CDK14: variants seen among roughly 807,000 people sequenced by gnomAD.
CDK14 encodes cyclin-dependent kinase 14.
Under a neutral mutation model 60.7 loss-of-function variants are expected in CDK14, and 34 were observed. That is an observed-to-expected ratio of 0.56 (90% CI 0.43 to 0.75). CDK14 has a LOEUF of 0.75. CDK14 is among the 30% of genes least tolerant of loss of function. The probability of loss-of-function intolerance (pLI) is 0.00; values close to 1 mark genes in which losing one functional copy is unlikely to be tolerated. For missense variants in CDK14, 482 were observed against 564.1 expected (o/e 0.85, Z 1.47); for synonymous variants, 197 against 203.7 (o/e 0.97, Z 0.28).
At chr7:90,912,525 C>T (rs1792941251) in intron 7 of CDK14, among the ~76,000 whole-genome samples, 1 of 152,098 alleles carries the variant, frequency 6.6e-6, no homozygotes, top group Admixed American at 6.6e-5. Context: ...CTTTAGTTTT[C>T]TCATTTGTTT....
At chr7:90,750,526 T>C (rs1803795507) in intron 4 of CDK14, among the ~76,000 whole-genome samples, 1 of 152,176 alleles carries the variant, frequency 6.6e-6, no homozygotes. Context: ...TATAACATCT[T>C]AAAAGGAAAT....
intron 14 of CDK14, among the ~76,000 whole-genome samples, chr7:91,127,745 A>G (rs1473278500): frequency 6.6e-6 from 1 of 152,136 alleles, no homozygotes; most frequent in Non-Finnish European, 1.5e-5. Context: ...ATATTCTACT[A>G]TAAAGTTAAT....
intron 11 of CDK14, among the ~76,000 whole-genome samples, chr7:91,052,291 C>G (rs1797415101): frequency 6.6e-6 from 1 of 152,200 alleles, no homozygotes; most frequent in African/African-American, 2.4e-5. Flanking sequence ...AAGTAGATTC[C>G]AGGTCTCCCT....
At chr7:90,807,784 C>T (rs1418838426) in intron 5 of CDK14, among the ~76,000 whole-genome samples, 3 of 152,116 alleles carry the variant, frequency 2.0e-5, no homozygotes, top group Admixed American at 2.0e-4. Context: ...CCTGATGGAG[C>T]TGAAAACCAA....
At chr7:90,928,070 A>G (rs999925617) in intron 8 of CDK14, among the ~76,000 whole-genome samples, 3 of 152,100 alleles carry the variant, frequency 2.0e-5, no homozygotes, top group Admixed American at 2.0e-4. Context: ...CCATCAGCTC[A>G]TTTAAGGACT....
chr7:91,172,565 G>A (rs1801557333), intron 14 of CDK14, among the ~76,000 whole-genome samples: 1 of 152,084 alleles, frequency 6.6e-6, no homozygotes, highest in African/African-American at 2.4e-5. Flanking sequence ...GTTCCAGTGG[G>A]TCCCATAGGC....
chr7:90,637,156 T>A (rs988959464), intron 2 of CDK14, among the ~76,000 whole-genome samples: 13 of 152,062 alleles, frequency 8.5e-5, no homozygotes, highest in Non-Finnish European at 1.6e-4. Flanking sequence ...CTGATTTTAG[T>A]TATTTCTTGC....
At chr7:90,599,924 T>C (rs1201120503) in intron 1 of CDK14, among the ~76,000 whole-genome samples, 3 of 152,224 alleles carry the variant, frequency 2.0e-5, no homozygotes, top group Admixed American at 6.5e-5. Context: ...ATAATAATTC[T>C]AAATACATAA....
chr7:90,935,424 T>C (rs1188224698), intron 8 of CDK14, among the ~76,000 whole-genome samples: 1 of 152,144 alleles, frequency 6.6e-6, no homozygotes, highest in African/African-American at 2.4e-5. Flanking sequence ...AAAAGTAAAT[T>C]CAAGGCAAAT....
intron 14 of CDK14, among the ~76,000 whole-genome samples, chr7:91,145,946 A>T (rs1159218294): frequency 6.6e-6 from 1 of 151,308 alleles, no homozygotes; most frequent in African/African-American, 2.4e-5. Flanking sequence ...TTATTTATTT[A>T]TTTATTTATT....
intron 10 of CDK14, among the ~76,000 whole-genome samples, chr7:90,994,342 A>G (rs1795619470): frequency 6.6e-6 from 1 of 152,170 alleles, no homozygotes; most frequent in African/African-American, 2.4e-5. Flanking sequence ...TTGGGTTCCA[A>G]GAGTGGGTGG....
intron 2 of CDK14, among the ~76,000 whole-genome samples, chr7:90,718,735 A>G (rs770261934): frequency 9.9e-5 from 15 of 152,148 alleles, no homozygotes; most frequent in Non-Finnish European, 1.9e-4. Context: ...ACATACATAC[A>G]CACGCATACT....
At chr7:90,696,626 A>G (rs901788114) in intron 2 of CDK14, among the ~76,000 whole-genome samples, 24 of 152,122 alleles carry the variant, frequency 1.6e-4, no homozygotes, top group African/African-American at 5.3e-4. Context: ...GATTTGTCAC[A>G]TAAGTATTTG....
intron 5 of CDK14, among the ~76,000 whole-genome samples, chr7:90,861,022 G>A (rs1310505670): frequency 1.3e-5 from 2 of 152,112 alleles, no homozygotes; most frequent in Non-Finnish European, 2.9e-5. Context: ...AGGTTTGGGC[G>A]TAGTGCTAGT....
intron 2 of CDK14, among the ~76,000 whole-genome samples, chr7:90,713,885 T>C (rs1460483237): frequency 2.0e-5 from 3 of 152,034 alleles, no homozygotes; most frequent in Non-Finnish European, 4.4e-5. Context: ...ATCTGCAAAA[T>C]TGAGATAATA....
chr7:90,627,483 G>C (rs923409283), intron 2 of CDK14, among the ~76,000 whole-genome samples: 1 of 152,122 alleles, frequency 6.6e-6, no homozygotes, highest in African/African-American at 2.4e-5. Flanking sequence ...AAACTGCTGG[G>C]ATTACAGGCA....
At chr7:90,800,581 C>T (rs974879632) in intron 5 of CDK14, among the ~76,000 whole-genome samples, 1 of 152,040 alleles carries the variant, frequency 6.6e-6, no homozygotes, top group East Asian at 1.9e-4. Flanking sequence ...TTTTCATTAA[C>T]CATACCATTT....
intron 10 of CDK14, among the ~76,000 whole-genome samples, chr7:91,009,363 T>C (rs2115802941): frequency 6.6e-6 from 1 of 152,314 alleles, no homozygotes; most frequent in South Asian, 2.1e-4. Context: ...TTATGGGACA[T>C]GTTTTGTCTT....
chr7:90,727,517 G>A (rs1802688162), intron 3 of CDK14, among the ~76,000 whole-genome samples: 1 of 151,882 alleles, frequency 6.6e-6, no homozygotes, highest in Admixed American at 6.6e-5. Flanking sequence ...CCTACTTTTT[G>A]GCTTAAATTA....
Sources: allele counts gnomAD v4.1 joint callset (sites outside exome capture counted in the v4.1 genomes callset), GRCh38; gene constraint gnomAD v4.1.1; transcripts MANE v1.5; gene names NCBI Gene and HGNC (gene_info 2026-07-23, HGNC 2026-07-21).